The following CNBD1 variants were observed in gnomAD, a reference collection of about 807,000 sequenced individuals.
CNBD1 encodes the protein cyclic nucleotide binding domain containing 1.
A neutral mutation model predicts 54.4 loss-of-function variants in CNBD1; 71 were observed. The observed-to-expected ratio is 1.30, with a 90% CI of 1.08 to 1.59. The LOEUF is 1.59. Ranked by LOEUF, CNBD1 falls within the 40% of genes most tolerant of loss-of-function variation. The probability of loss-of-function intolerance (pLI) is 0.00; values close to 1 mark genes in which losing one functional copy is unlikely to be tolerated. For missense variants in CNBD1, 659 were observed against 518.0 expected (o/e 1.27, Z -2.64); for synonymous variants, 182 against 170.7 (o/e 1.07, Z -0.51).
At chr8:87,132,504 T>C (rs1020323102) in intron 4 of CNBD1, among the ~76,000 whole-genome samples, 8 of 150,806 alleles carry the variant, frequency 5.3e-5, no homozygotes, top group Non-Finnish European at 8.9e-5. Flanking sequence ...ACATAATTTT[T>C]TTTATTTACC....
At chr8:86,907,562 G>C in intron 3 of CNBD1, among the ~76,000 whole-genome samples, 1 of 151,950 alleles carries the variant, frequency 6.6e-6, no homozygotes, top group East Asian at 1.9e-4. Flanking sequence ...CAGCTACTTG[G>C]GAGGCTGAGG....
intron 10 of CNBD1, among the ~76,000 whole-genome samples, chr8:87,367,082 C>G (rs992694125): frequency 6.6e-6 from 1 of 151,972 alleles, no homozygotes; most frequent in African/African-American, 2.4e-5. Context: ...CACTAATATA[C>G]CATTGGGACT....
intron 4 of CNBD1, among the ~76,000 whole-genome samples, chr8:87,097,111 A>C (rs1259886311): frequency 1.3e-5 from 2 of 152,182 alleles, no homozygotes; most frequent in African/African-American, 4.8e-5. Flanking sequence ...TCAACCTTTT[A>C]GGGTGAAGGA....
intron 4 of CNBD1, among the ~76,000 whole-genome samples, chr8:87,046,825 G>C (rs72665009): frequency 6.6e-6 from 1 of 152,194 alleles, no homozygotes; most frequent in Non-Finnish European, 1.5e-5. Flanking sequence ...CTTAATGCAG[G>C]CGCTCTCAGT....
At chr8:87,041,371 A>ATTTT (rs1449927495) in intron 4 of CNBD1, among the ~76,000 whole-genome samples, 3 of 152,160 alleles carry the variant, frequency 2.0e-5, no homozygotes, top group Admixed American at 2.0e-4. Context: ...CCAGTGTAAA[A>ATTTT]GTCTCAGGCA....
intron 4 of CNBD1, among the ~76,000 whole-genome samples, chr8:87,090,096 A>T (rs932025656): frequency 5.9e-5 from 9 of 152,112 alleles, no homozygotes; most frequent in Non-Finnish European, 7.4e-5. Context: ...ATTTCACTTA[A>T]TTGCTGTTTA....
intron 7 of CNBD1, 40 bp from the exon 8 acceptor site, chr8:87,286,499 T>A (rs1808700315): frequency 8.6e-7 from 1 of 1,166,526 alleles, no homozygotes; most frequent in Non-Finnish European, 1.2e-6. Context: ...GATTTTAAAT[T>A]GCCTGTTATT....
Position 87,028,631 on chromosome 8 carries a change from G to A in CNBD1, c.431+88877G>A, listed in dbSNP as rs558272653. On this transcript the variant is annotated intron_variant, in intron 4 of 10. Coordinates refer to ENST00000518476, the MANE Select transcript of CNBD1 (RefSeq NM_173538.3). ...TAGCAGGTAAGAAATGTAACAATGT[G>A]TAAGAAAACAGGAACTAAGGAGGGG... Among the ~76,000 whole-genome samples the A allele has an allele frequency of 5.9e-5, 9 of 152,306 alleles. No homozygotes were observed. In the South Asian group the frequency reaches 1.9e-3, roughly 32 times the overall value.
At chr8:87,295,380 G>A (rs377374271) in intron 8 of CNBD1, among the ~76,000 whole-genome samples, 1 of 151,560 alleles carries the variant, frequency 6.6e-6, no homozygotes, top group East Asian at 1.9e-4. Context: ...TGATAAATGT[G>A]AACAGTATAT....
chr8:87,334,863 A>G (rs1027273345), intron 8 of CNBD1, among the ~76,000 whole-genome samples: 2 of 151,910 alleles, frequency 1.3e-5, no homozygotes, highest in Admixed American at 1.3e-4. Context: ...CGCTGGGACT[A>G]CAGGTGCCCA....
At chr8:87,300,184 A>T (rs1307791700) in intron 8 of CNBD1, among the ~76,000 whole-genome samples, 1 of 152,202 alleles carries the variant, frequency 6.6e-6, no homozygotes, top group Non-Finnish European at 1.5e-5. Flanking sequence ...TATGAATTAT[A>T]AAGTATTTTT....
chr8:87,189,597 G>GT lies in CNBD1; in HGVS notation c.432-16390dup, dbSNP rs541989856. Among the ~76,000 whole-genome samples, 716 of 152,186 alleles carry GT rather than the reference G, an allele frequency of 4.7e-3. 5 individuals carry two copies. Among genetic ancestry groups the GT allele is most frequent in the African/African-American group, 0.016 (661 of 41,518 alleles). On this transcript the variant is annotated intron_variant, in intron 4 of 10. Coordinates refer to ENST00000518476, the MANE Select transcript of CNBD1 (RefSeq NM_173538.3). ...GTAATCTATTTTCTAATTATAAGAGGTTTTTTAAGCTTGAAAAGAAGAGTT... is the reference window on the plus strand; with the variant it reads ...GTAATCTATTTTCTAATTATAAGAGGTTTTTTTAAGCTTGAAAAGAAGAGTT...
At chr8:87,027,297 G>T (rs941683045) in intron 4 of CNBD1, among the ~76,000 whole-genome samples, 5 of 151,986 alleles carry the variant, frequency 3.3e-5, no homozygotes, top group African/African-American at 9.7e-5. Flanking sequence ...TTTTGAGATG[G>T]AATCTTGCTC....
intron 4 of CNBD1, among the ~76,000 whole-genome samples, chr8:87,098,065 C>T (rs1380013367): frequency 2.0e-5 from 3 of 152,086 alleles, no homozygotes; most frequent in African/African-American, 4.8e-5. Context: ...ACTTTTACTG[C>T]AAAATAGTGT....
chr8:87,241,304 T>C (rs1341952853), intron 6 of CNBD1, among the ~76,000 whole-genome samples: 2 of 133,034 alleles, frequency 1.5e-5, no homozygotes, highest in Non-Finnish European at 3.1e-5. Context: ...GGAGTCTCGC[T>C]CTGTCGCCCA....
rs74995470 is a variant in CNBD1, at chr8:87,178,470, A to G, written c.432-27523A>G. Among the ~76,000 whole-genome samples, 154 of 152,274 alleles carry G rather than the reference A, an allele frequency of 1.0e-3. 2 individuals are homozygous for G. Among genetic ancestry groups the G allele is most frequent in the African/African-American group, 3.5e-3 (144 of 41,564 alleles). ...AGAGTTTGCTTGGTATATGAGAGGG[A>G]TGGAAAGAAGGCCAACATGATGACT... On this transcript the variant is annotated intron_variant, in intron 4 of 10. Coordinates refer to ENST00000518476, the MANE Select transcript of CNBD1 (RefSeq NM_173538.3).
intron 3 of CNBD1, among the ~76,000 whole-genome samples, chr8:86,935,343 T>C (rs1192451462): frequency 6.6e-6 from 1 of 152,052 alleles, no homozygotes; most frequent in Non-Finnish European, 1.5e-5. Flanking sequence ...GCTGGGTTTA[T>C]TTATTAAGAG....
intron 4 of CNBD1, among the ~76,000 whole-genome samples, chr8:87,200,601 AT>A (rs1813839780): frequency 6.6e-6 from 1 of 152,176 alleles, no homozygotes; most frequent in Non-Finnish European, 1.5e-5. Flanking sequence ...TCCTGCAGAA[AT>A]AAAAAAGATT....
intron 4 of CNBD1, among the ~76,000 whole-genome samples, chr8:86,945,266 G>T (rs563771317): frequency 1.8e-4 from 27 of 152,254 alleles, no homozygotes; most frequent in Non-Finnish European, 2.9e-4. Flanking sequence ...AACTTGGCCC[G>T]ATTGTTTTTT....
Sources: gnomAD v4.1 joint callset for allele counts (sites outside exome capture counted in the v4.1 genomes callset) on GRCh38, gnomAD v4.1.1 for gene constraint, MANE v1.5 for transcripts, NCBI Gene and HGNC (gene_info 2026-07-23, HGNC 2026-07-21) for gene names.